Variants in NSFL1C observed in about 807,000 individuals in gnomAD.
NSFL1C encodes the protein NSFL1 cofactor, also known as NSFL1 cofactor p47.
In NSFL1C, 14 loss-of-function variants were observed where a neutral mutation model predicts 43.1. The ratio of observed to expected loss-of-function variants is 0.32; its 90% CI spans 0.21 to 0.51. The LOEUF (loss-of-function observed/expected upper bound fraction) is 0.51, where lower values mean the gene tolerates loss of function less well. Ranked by LOEUF, NSFL1C falls within the 20% of genes least tolerant of loss-of-function variation. The pLI is 0.98. For synonymous variants in NSFL1C, 171 were observed against 183.5 expected (o/e 0.93, Z 0.55); for missense variants, 406 against 472.5 (o/e 0.86, Z 1.30).
At chr20:1,449,371 T>C (rs1400781434) in intron 7 of NSFL1C, among the ~76,000 whole-genome samples, 2 of 152,206 alleles carry the variant, frequency 1.3e-5, no homozygotes, top group Non-Finnish European at 2.9e-5. Flanking sequence ...ATTCCCAGTC[T>C]ATACTGCTCT....
At chr20:1,459,259 A>G (rs1383699699) in intron 2 of NSFL1C, among the ~76,000 whole-genome samples, 1 of 152,154 alleles carries the variant, frequency 6.6e-6, no homozygotes, top group African/African-American at 2.4e-5. Context: ...TGCTGTTCTC[A>G]TGATAGTGAG....
Position 1,443,981 on chromosome 20 carries a change from A to T in NSFL1C, c.951-70T>A, listed in dbSNP as rs1484970095. The T allele has an allele frequency of 2.0e-6, 3 of 1,478,296 alleles. No homozygotes were observed. In the African/African-American group the frequency reaches 4.1e-5, roughly 20 times the overall value. The allele number at this position is 1,478,296 out of a possible 1,614,324, so 91.6% of individuals were successfully genotyped here. ...CCATACCCCTGCCCTGTGGAAAGCT[A>T]AACACCTCGCAAATCCCCTTTCCTG... On this transcript the variant is annotated intron_variant, in intron 8 of 8. Transcript: ENST00000216879.
At chr20:1,454,903 A>G in intron 4 of NSFL1C, 64 bp downstream of exon 4, 1 of 1,537,652 alleles carries the variant, frequency 6.5e-7, no homozygotes, top group Non-Finnish European at 8.9e-7. Context: ...CGGGGTGAAG[A>G]AGGTGGCATT....
At chr20:1,454,430 T>C in intron 4 of NSFL1C, 125 bp from the exon 5 acceptor site, 1 of 670,896 alleles carries the variant, frequency 1.5e-6, no homozygotes, top group Non-Finnish European at 2.6e-6. Flanking sequence ...TCAAGCTTGT[T>C]AGCTACTAGA....
At chr20:1,465,852 C>T (rs545607236) in intron 1 of NSFL1C, among the ~76,000 whole-genome samples, 37 of 152,246 alleles carry the variant, frequency 2.4e-4, no homozygotes, top group Non-Finnish European at 4.4e-4. Context: ...CTAGTGAGGC[C>T]TTGAGCAAGT....
chr20:1,454,453 G>A (rs2090253750), intron 4 of NSFL1C, 148 bp from the exon 5 acceptor site: 6 of 619,150 alleles, frequency 9.7e-6, no homozygotes, highest in South Asian at 2.0e-5. Flanking sequence ...CACTTTCTCT[G>A]ATATCAGACT....
At chr20:1,446,341 T>C (rs2090059388) in intron 7 of NSFL1C, among the ~76,000 whole-genome samples, 1 of 152,150 alleles carries the variant, frequency 6.6e-6, no homozygotes, top group Non-Finnish European at 1.5e-5. Flanking sequence ...TTTTCAGGCC[T>C]GCATTACCTA....
chr20:1,452,197 T>TTATTCCTTGCAACAATAATCCTAGGAGG (rs2090195221), intron 7 of NSFL1C, among the ~76,000 whole-genome samples: 2 of 152,220 alleles, frequency 1.3e-5, no homozygotes, highest in Non-Finnish European at 2.9e-5. Context: ...ATCAGCTCAC[T>TTATTCCTTGCAACAATAATCCTAGGAGG]TATTCCTTGC....
intron 8 of NSFL1C, 141 bp from the exon 9 acceptor site, chr20:1,444,052 C>T: frequency 1.2e-6 from 1 of 841,004 alleles, no homozygotes; most frequent in South Asian, 1.8e-5. Context: ...CATGTGGGAC[C>T]AAGTCCCTTC....
At chr20:1,450,569 A>G (rs750153746) in intron 7 of NSFL1C, among the ~76,000 whole-genome samples, 2 of 152,238 alleles carry the variant, frequency 1.3e-5, no homozygotes, top group African/African-American at 2.4e-5. Flanking sequence ...ACTTTCCAAT[A>G]GAAACATTTC....
chr20:1,463,939 GGT>G (rs2090461311), intron 2 of NSFL1C: 3 of 184,702 alleles, frequency 1.6e-5, no homozygotes, highest in Admixed American at 1.2e-4. Context: ...TTCTTAATAA[GGT>G]AACGGGCATC....
intron 2 of NSFL1C, among the ~76,000 whole-genome samples, chr20:1,460,537 T>A (rs1266532595): frequency 6.6e-6 from 1 of 152,200 alleles, no homozygotes; most frequent in Non-Finnish European, 1.5e-5. Flanking sequence ...TCTCAGAAAG[T>A]TCAATTTTTC....
At chr20:1,464,764 AATTT>A (rs2090476978) in intron 1 of NSFL1C, among the ~76,000 whole-genome samples, 1 of 152,226 alleles carries the variant, frequency 6.6e-6, no homozygotes, top group African/African-American at 2.4e-5. Context: ...TACATACGTT[AATTT>A]GTTTAATCCT....
chr20:1,446,058 C>T (rs149528895), intron 7 of NSFL1C: 75 of 576,202 alleles, frequency 1.3e-4, no homozygotes, highest in African/African-American at 1.0e-3. Context: ...CTAGCTCCCT[C>T]GCTCCTGAGT....
rs2090247624 is a variant in NSFL1C at position 1,454,202 on chromosome 20, G to C, written c.537+11C>G. 1 of 1,605,136 alleles carries C rather than the reference G, an allele frequency of 6.2e-7. No homozygotes were observed. Among genetic ancestry groups the C allele is most frequent in the Non-Finnish European group, 8.5e-7 (1 of 1,172,292 alleles). On this transcript the variant is annotated intron_variant, in intron 5 of 8. Transcript: ENST00000216879. ...CACAAGCTTCCCTCATGGGAAGGTG[G>C]ATGCACTCACATCTTGGCTGGAATG...
intron 2 of NSFL1C, among the ~76,000 whole-genome samples, chr20:1,461,892 T>C (rs2090418648): frequency 6.6e-6 from 1 of 152,224 alleles, no homozygotes; most frequent in South Asian, 2.1e-4. Context: ...TGGCAGCTGT[T>C]ATTACTGAGT....
chr20:1,443,946 C>T, intron 8 of NSFL1C, 35 bp from the exon 9 acceptor site: 2 of 1,589,542 alleles, frequency 1.3e-6, no homozygotes, highest in Non-Finnish European at 1.7e-6. Flanking sequence ...GCAGTGCCAT[C>T]CTCTGCTGTC....
At chr20:1,446,489 TCAGA>T (rs1460779761) in intron 7 of NSFL1C, among the ~76,000 whole-genome samples, 1 of 152,136 alleles carries the variant, frequency 6.6e-6, no homozygotes, top group Non-Finnish European at 1.5e-5. Context: ...GGACACGGTG[TCAGA>T]CACAGTGTTA....
At chr20:1,458,357 A>C in intron 2 of NSFL1C, 83 bp from the exon 3 acceptor site, 1 of 1,136,782 alleles carries the variant, frequency 8.8e-7, no homozygotes, top group African/African-American at 1.5e-5. Context: ...GGAGGTGAAG[A>C]CACTGAGGTT....
Sources: allele counts gnomAD v4.1 joint callset (sites outside exome capture counted in the v4.1 genomes callset), GRCh38; gene constraint gnomAD v4.1.1; transcripts MANE v1.5; gene names NCBI Gene and HGNC (gene_info 2026-07-23, HGNC 2026-07-21).